Variants in ASTN2 observed in about 807,000 individuals in gnomAD.
The protein encoded by ASTN2 is astrotactin 2.
A neutral mutation model predicts 139.8 loss-of-function variants in ASTN2; 54 were observed. The ratio of observed to expected loss-of-function variants is 0.39; its 90% confidence interval spans 0.31 to 0.48. ASTN2 has a LOEUF of 0.48. Ranked by LOEUF, ASTN2 falls within the 20% of genes least tolerant of loss-of-function variation. The pLI is 0.95. For synonymous variants in ASTN2, 756 were observed against 719.5 expected, an observed-to-expected ratio of 1.05 and a Z score of -0.81; for missense variants, 1,565 against 1,725.1, an observed-to-expected ratio of 0.91 and a Z score of 1.64.
At chr9:117,061,138 C>CTTTT (rs1443592114) in intron 5 of ASTN2, among the ~76,000 whole-genome samples, 13 of 109,252 alleles carry the variant, frequency 1.2e-4, no homozygotes, top group Admixed American at 1.0e-3. Context: ...ATACACCAGT[C>CTTTT]TTTTATTTAT....
chr9:116,680,043 T>C (rs1369191011), intron 16 of ASTN2, among the ~76,000 whole-genome samples: 1 of 151,618 alleles, frequency 6.6e-6, no homozygotes, highest in Non-Finnish European at 1.5e-5. Context: ...GTGAAGGAAA[T>C]AGAGACACAA....
intron 11 of ASTN2, among the ~76,000 whole-genome samples, chr9:116,841,061 C>T (rs1167146882): frequency 2.0e-5 from 3 of 152,152 alleles, no homozygotes; most frequent in South Asian, 4.1e-4. Flanking sequence ...GCCAAGATCA[C>T]GCCACTGCAC....
chr9:116,845,208 G>C (rs931765894), intron 11 of ASTN2, among the ~76,000 whole-genome samples: 1 of 152,102 alleles, frequency 6.6e-6, no homozygotes, highest in South Asian at 2.1e-4. Flanking sequence ...TCCACCTCCC[G>C]GGTTCACGCC....
At chr9:117,291,758 C>A (rs758064355) in intron 1 of ASTN2, among the ~76,000 whole-genome samples, 7 of 152,142 alleles carry the variant, frequency 4.6e-5, no homozygotes, top group Admixed American at 6.5e-5. Context: ...TGTCTGAGGC[C>A]GTTTTTAGTA....
chr9:116,451,219 T>C (rs1200986113), intron 20 of ASTN2, among the ~76,000 whole-genome samples: 1 of 152,250 alleles, frequency 6.6e-6, no homozygotes, highest in African/African-American at 2.4e-5. Context: ...CACTGGTATG[T>C]GAGCATCTCC....
At chr9:117,352,099 A>T (rs1230128222) in intron 1 of ASTN2, among the ~76,000 whole-genome samples, 2 of 152,166 alleles carry the variant, frequency 1.3e-5, no homozygotes, top group Non-Finnish European at 2.9e-5. Context: ...CCTTTATCAG[A>T]GAGAAACAGT....
intron 16 of ASTN2, among the ~76,000 whole-genome samples, chr9:116,666,781 G>A (rs1010067491): frequency 1.3e-5 from 2 of 151,840 alleles, no homozygotes; most frequent in Admixed American, 1.3e-4. Context: ...ACACCATGAG[G>A]AAACACTTAG....
chr9:116,592,648 T>G (rs1334766506), intron 19 of ASTN2, among the ~76,000 whole-genome samples: 1 of 152,208 alleles, frequency 6.6e-6, no homozygotes, highest in African/African-American at 2.4e-5. Flanking sequence ...GTTGCATTCA[T>G]GAATGCAAAA....
intron 5 of ASTN2, among the ~76,000 whole-genome samples, chr9:117,040,489 C>A (rs576495619): frequency 6.6e-6 from 1 of 152,142 alleles, no homozygotes. Context: ...GGCGGAGTCT[C>A]GCTTTGTCGC....
intron 1 of ASTN2, among the ~76,000 whole-genome samples, chr9:117,308,713 G>A (rs187317414): frequency 4.2e-4 from 64 of 152,054 alleles, no homozygotes; most frequent in African/African-American, 1.4e-3. Context: ...ATTGGCAAGA[G>A]GAGGAGAAAA....
intron 3 of ASTN2, among the ~76,000 whole-genome samples, chr9:117,157,947 T>A (rs1342978680): frequency 2.6e-5 from 4 of 152,016 alleles, no homozygotes; most frequent in African/African-American, 7.2e-5. Flanking sequence ...AAAGAATGCA[T>A]CATGATAATA....
intron 16 of ASTN2, among the ~76,000 whole-genome samples, chr9:116,713,174 A>G (rs536514077): frequency 1.3e-5 from 2 of 152,140 alleles, no homozygotes; most frequent in Admixed American, 6.5e-5. Context: ...CACCATCTAT[A>G]TTTGTTAAAT....
intron 11 of ASTN2, among the ~76,000 whole-genome samples, chr9:116,826,840 C>G (rs2132278357): frequency 6.6e-6 from 1 of 152,278 alleles, no homozygotes; most frequent in South Asian, 2.1e-4. Context: ...ACTTTGTATT[C>G]AAGGTCCCAG....
At chr9:117,276,312 A>G (rs1180732257) in intron 2 of ASTN2, among the ~76,000 whole-genome samples, 1 of 152,144 alleles carries the variant, frequency 6.6e-6, no homozygotes, top group Non-Finnish European at 1.5e-5. Context: ...AGGCTGAGAG[A>G]TCCCGTCCAA....
intron 20 of ASTN2, among the ~76,000 whole-genome samples, chr9:116,460,101 C>T (rs1053911504): frequency 6.6e-6 from 1 of 152,066 alleles, no homozygotes; most frequent in Non-Finnish European, 1.5e-5. Context: ...ATTCAAGCTA[C>T]AATATTCACT....
intron 1 of ASTN2, among the ~76,000 whole-genome samples, chr9:117,356,478 G>T (rs548219045): frequency 1.7e-3 from 258 of 152,264 alleles, no homozygotes; most frequent in Non-Finnish European, 2.6e-3. Context: ...AAATTCTTTA[G>T]ATTTCACTTT....
chr9:116,478,133 A>G (rs1248029828), intron 20 of ASTN2, among the ~76,000 whole-genome samples: 1 of 133,848 alleles, frequency 7.5e-6, no homozygotes, highest in Non-Finnish European at 1.6e-5. Flanking sequence ...GGAGAAAGGA[A>G]GGGAGGGAGG....
intron 19 of ASTN2, among the ~76,000 whole-genome samples, chr9:116,589,986 A>G (rs1470989920): frequency 1.3e-5 from 2 of 152,236 alleles, no homozygotes; most frequent in African/African-American, 2.4e-5. Flanking sequence ...TGGGCTATGC[A>G]TACTCACTGA....
intron 4 of ASTN2, among the ~76,000 whole-genome samples, chr9:117,114,748 T>C (rs1181475888): frequency 1.3e-5 from 2 of 152,202 alleles, no homozygotes; most frequent in Non-Finnish European, 2.9e-5. Context: ...TGAGGCTATG[T>C]ATCTTGCATG....
Sources: allele counts gnomAD v4.1 joint callset (sites outside exome capture counted in the v4.1 genomes callset), GRCh38; gene constraint gnomAD v4.1.1; transcripts MANE v1.5; gene names NCBI Gene and HGNC (gene_info 2026-07-23, HGNC 2026-07-21).